CAP2: variants seen among roughly 807,000 people sequenced by gnomAD.
CAP2 encodes cyclase associated actin cytoskeleton regulatory protein 2, also known as adenylyl cyclase-associated protein 2.
CAP2 carries 24 observed loss-of-function variants against 57.7 expected under a neutral mutation model. The ratio of observed to expected loss-of-function variants is 0.42; its 90% CI spans 0.30 to 0.58. The LOEUF is 0.58. Among genes scored for constraint, CAP2 ranks in the 20% least tolerant of loss-of-function variants. CAP2 has a pLI of 0.22. For synonymous variants in CAP2, 194 were observed against 207.2 expected, an observed-to-expected ratio of 0.94 and a Z score of 0.55; for missense variants, 501 against 590.3, an observed-to-expected ratio of 0.85 and a Z score of 1.57.
intron 7 of CAP2, among the ~76,000 whole-genome samples, chr6:17,521,932 A>C (rs548729279): frequency 3.9e-5 from 6 of 152,190 alleles, no homozygotes; most frequent in Non-Finnish European, 8.8e-5. Flanking sequence ...AACATGGTGA[A>C]AACCTGTCTC....
chr6:17,441,958 C>T (rs961009234), intron 3 of CAP2, among the ~76,000 whole-genome samples: 15 of 151,928 alleles, frequency 9.9e-5, no homozygotes, highest in African/African-American at 2.9e-4. Context: ...GCAACAATAA[C>T]ATGTAGGAAT....
At chr6:17,508,029 C>A (rs1762036980) in intron 6 of CAP2, among the ~76,000 whole-genome samples, 1 of 152,158 alleles carries the variant, frequency 6.6e-6, no homozygotes, top group Admixed American at 6.6e-5. Context: ...GGTGATGGAA[C>A]AACCCTATAT....
At chr6:17,539,548 A>T in intron 8 of CAP2, 90 bp downstream of exon 8, 1 of 932,764 alleles carries the variant, frequency 1.1e-6, no homozygotes, top group South Asian at 1.6e-5. Flanking sequence ...TGATGGATAC[A>T]TCACTCCATC....
chr6:17,408,998 C>G (rs546364222), intron 1 of CAP2, among the ~76,000 whole-genome samples: 5 of 151,486 alleles, frequency 3.3e-5, no homozygotes, highest in African/African-American at 1.2e-4. Flanking sequence ...TGCTTTCAGT[C>G]CATGGTGCTT....
chr6:17,508,162 G>C (rs1762040029), intron 6 of CAP2, among the ~76,000 whole-genome samples: 1 of 152,176 alleles, frequency 6.6e-6, no homozygotes, highest in African/African-American at 2.4e-5. Flanking sequence ...CCAGAGCAGT[G>C]AGAAGGAAAC....
At chr6:17,554,229 C>T (rs564123457) in intron 12 of CAP2, among the ~76,000 whole-genome samples, 2 of 152,324 alleles carry the variant, frequency 1.3e-5, no homozygotes, top group South Asian at 4.1e-4. Flanking sequence ...GCCTCAGCCT[C>T]TCAAGTAGCT....
rs762352770 is a variant in CAP2 at position 17,507,733 on chromosome 6, ACCTT to A, written c.530+12_530+15del. ...TAAAGGACTACAAACACAGGTACGTACCTTCCTTTACTCACCAAATTTTCAGTTG... is the reference window on the plus strand; with the variant it reads ...TAAAGGACTACAAACACAGGTACGTACCTTTACTCACCAAATTTTCAGTTG... On this transcript the variant is annotated splice_region_variant and intron_variant, in intron 6 of 12. Coordinates refer to ENST00000229922, the MANE Select transcript of CAP2 (RefSeq NM_006366.3). 6.6e-7 allele frequency: 1 copy of A among 1,515,316 alleles called. No individual in the cohort carries two copies. The allele number at this position is 1,515,316 out of a possible 1,614,324, so 93.9% of individuals were successfully genotyped here.
chr6:17,436,950 T>C (rs919938258), intron 3 of CAP2, among the ~76,000 whole-genome samples: 1 of 152,174 alleles, frequency 6.6e-6, no homozygotes, highest in African/African-American at 2.4e-5. Flanking sequence ...AACCCTATGG[T>C]GAACTGCGCA....
At chr6:17,452,114 G>A (rs1197598632) in intron 3 of CAP2, among the ~76,000 whole-genome samples, 1 of 152,170 alleles carries the variant, frequency 6.6e-6, no homozygotes, top group Admixed American at 6.5e-5. Flanking sequence ...TGTGTGTGTA[G>A]GGCAAGTGGC....
In CAP2 at chr6:17,519,337, A is replaced by G. The variant is rs115485688; in HGVS notation, c.636+5383A>G. 4.4e-3 allele frequency among the ~76,000 whole-genome samples: 673 copies of G among 152,166 alleles called. 4 individuals carry two copies. Among genetic ancestry groups the G allele is most frequent in the African/African-American group, 0.015 (637 of 41,550 alleles). ...TTGAAGAGAGTCTACGTGTGTGTGC[A>G]AGTGTGCCGGGTGGGGTGGGGTGAG... On this transcript the variant is annotated intron_variant, in intron 7 of 12. Coordinates refer to ENST00000229922, the MANE Select transcript of CAP2 (RefSeq NM_006366.3).
intron 4 of CAP2, among the ~76,000 whole-genome samples, chr6:17,499,334 C>T (rs1332763363): frequency 1.5e-5 from 2 of 135,128 alleles, no homozygotes; most frequent in East Asian, 2.3e-4. Flanking sequence ...AGAAGGTGGA[C>T]GTTGCAGTGA....
intron 4 of CAP2, among the ~76,000 whole-genome samples, chr6:17,471,180 G>A (rs1761008505): frequency 6.6e-6 from 1 of 152,172 alleles, no homozygotes; most frequent in Admixed American, 6.5e-5. Flanking sequence ...GGAACACAGA[G>A]CCAAACTCCC....
At chr6:17,496,030 G>GGTGGGC (rs1761659186) in intron 4 of CAP2, among the ~76,000 whole-genome samples, 1 of 41,182 alleles carries the variant, frequency 2.4e-5, no homozygotes, top group Non-Finnish European at 5.6e-5. Context: ...GTGTGGGTGG[G>GGTGGGC]GGGGGGGGGT....
chr6:17,548,253 G>C (rs1051641459), intron 11 of CAP2, among the ~76,000 whole-genome samples: 3 of 151,856 alleles, frequency 2.0e-5, no homozygotes, highest in Non-Finnish European at 2.9e-5. Context: ...TGTAGTCTCA[G>C]CTACTCAGGA....
At position 17,496,012 on chromosome 6, in the gene CAP2, G is replaced by A. The variant is rs895537841; in HGVS notation, c.301-11157G>A. 4.7e-5 allele frequency among the ~76,000 whole-genome samples: 6 copies of A among 127,372 alleles called. No homozygotes were observed. The East Asian group carries it at 1.3e-3, about 28-fold the overall frequency. 83.6% of individuals were successfully genotyped at this position (127,372 alleles called of 152,430 possible). On this transcript the variant is annotated intron_variant, in intron 4 of 12. Transcript: ENST00000229922. The stretch of plus-strand genomic sequence containing the variant: ...TATAGCTCCTGAAAGCAACTGCTGT[G>A]CATGCGTGTGTGGGTGGGGGGGGGG...
chr6:17,484,704 T>C (rs1761379118), intron 4 of CAP2, among the ~76,000 whole-genome samples: 2 of 152,104 alleles, frequency 1.3e-5, no homozygotes, highest in African/African-American at 4.8e-5. Context: ...AATACAGAGG[T>C]GGCTGACCAG....
At chr6:17,418,931 G>A (rs1469368652) in intron 1 of CAP2, among the ~76,000 whole-genome samples, 1 of 152,096 alleles carries the variant, frequency 6.6e-6, no homozygotes, top group Non-Finnish European at 1.5e-5. Context: ...AAGAGGAAAA[G>A]AATAGATGAG....
chr6:17,518,513 G>A (rs1183246285), intron 7 of CAP2, among the ~76,000 whole-genome samples: 2 of 152,124 alleles, frequency 1.3e-5, no homozygotes, highest in Non-Finnish European at 2.9e-5. Flanking sequence ...TCATTTGTTT[G>A]CCCACTGATC....
At chr6:17,407,898 C>G (rs2113512430) in intron 1 of CAP2, among the ~76,000 whole-genome samples, 1 of 152,048 alleles carries the variant, frequency 6.6e-6, no homozygotes, top group East Asian at 1.9e-4. Context: ...GATCACCTGG[C>G]TATTCCATCA....
Sources: gnomAD v4.1 joint callset for allele counts (sites outside exome capture counted in the v4.1 genomes callset) on GRCh38, gnomAD v4.1.1 for gene constraint, MANE v1.5 for transcripts, NCBI Gene and HGNC (gene_info 2026-07-23, HGNC 2026-07-21) for gene names.